Variants in WWOX observed in about 807,000 individuals in gnomAD.
WWOX encodes WW domain containing oxidoreductase.
In WWOX, 69 loss-of-function variants were observed where a neutral mutation model predicts 46.2. The ratio of observed to expected loss-of-function variants is 1.49; its 90% confidence interval spans 1.23 to 1.82. The LOEUF is 1.82. Among genes scored for constraint, WWOX ranks in the 40% most tolerant of loss-of-function variants. The pLI is 0.00. For missense variants in WWOX, 919 were observed against 542.6 expected (o/e 1.69, Z -6.89); for synonymous variants, 359 against 202.6 (o/e 1.77, Z -6.56).
intron 8 of WWOX, among the ~76,000 whole-genome samples, chr16:78,675,476 T>C (rs1233438092): frequency 6.6e-6 from 1 of 152,214 alleles, no homozygotes; most frequent in Non-Finnish European, 1.5e-5. Flanking sequence ...GGCCTTGCCA[T>C]GTTCCAGGCA....
At chr16:78,998,237 C>T (rs577449864) in intron 8 of WWOX, among the ~76,000 whole-genome samples, 8 of 152,284 alleles carry the variant, frequency 5.3e-5, no homozygotes, top group African/African-American at 1.9e-4. Context: ...TTTTTCTCTT[C>T]TGCTGGGACC....
chr16:78,781,430 C>G (rs1380743084), intron 8 of WWOX, among the ~76,000 whole-genome samples: 1 of 152,180 alleles, frequency 6.6e-6, no homozygotes, highest in Non-Finnish European at 1.5e-5. Flanking sequence ...CACCCTCTAC[C>G]ATCCTCACCA....
rs111228523 is a variant in WWOX, at chr16:78,217,882, A to G, written c.516+53593A>G. Reference sequence around the variant, plus strand: ...AGTGGAGTGAAGTCAAATGACCCTCAAAGATCCTTCCAGACTTCATGCCCT... The same window carrying G: ...AGTGGAGTGAAGTCAAATGACCCTCGAAGATCCTTCCAGACTTCATGCCCT... On this transcript the variant is annotated intron_variant, in intron 5 of 8. Transcript: ENST00000566780. 6.0e-3 allele frequency among the ~76,000 whole-genome samples: 918 copies of G among 152,252 alleles called. 13 individuals are homozygous for G. Among genetic ancestry groups the G allele is most frequent in the African/African-American group, 0.021 (877 of 41,538 alleles).
intron 8 of WWOX, among the ~76,000 whole-genome samples, chr16:78,544,008 C>G (rs2043962439): frequency 6.6e-6 from 1 of 152,232 alleles, no homozygotes; most frequent in African/African-American, 2.4e-5. Context: ...ACTTACATCC[C>G]TCAGTTTCAA....
At chr16:78,537,225 G>C (rs1187839104) in intron 8 of WWOX, among the ~76,000 whole-genome samples, 5 of 152,016 alleles carry the variant, frequency 3.3e-5, no homozygotes, top group African/African-American at 1.2e-4. Flanking sequence ...CCAGAGTCAA[G>C]TATTTCAAGT....
At chr16:78,568,206 T>C (rs1018416733) in intron 8 of WWOX, among the ~76,000 whole-genome samples, 3 of 152,072 alleles carry the variant, frequency 2.0e-5, no homozygotes, top group African/African-American at 7.2e-5. Context: ...CTGAACAACA[T>C]CGGCTGTGCA....
chr16:79,091,322 C>T (rs1460014608), intron 8 of WWOX, among the ~76,000 whole-genome samples: 4 of 151,936 alleles, frequency 2.6e-5, no homozygotes, highest in Non-Finnish European at 2.9e-5. Context: ...ATGCTGATCC[C>T]AGTGCATGAA....
chr16:78,538,796 A>C (rs534354177), intron 8 of WWOX, among the ~76,000 whole-genome samples: 1 of 152,200 alleles, frequency 6.6e-6, no homozygotes, highest in Non-Finnish European at 1.5e-5. Context: ...CCTAAAACGC[A>C]TGGGTGGAAA....
At chr16:78,268,184 A>T (rs904588345) in intron 5 of WWOX, among the ~76,000 whole-genome samples, 2 of 152,236 alleles carry the variant, frequency 1.3e-5, no homozygotes, top group African/African-American at 4.8e-5. Context: ...GAAGTACTTC[A>T]CAAAGGCTCC....
intron 8 of WWOX, among the ~76,000 whole-genome samples, chr16:79,120,501 C>T (rs551050375): frequency 2.0e-5 from 3 of 152,242 alleles, no homozygotes; most frequent in East Asian, 3.9e-4. Context: ...GAGCAAAGGA[C>T]CCTGTGCTAG....
chr16:78,979,473 C>T (rs1042117575), intron 8 of WWOX, among the ~76,000 whole-genome samples: 5 of 152,106 alleles, frequency 3.3e-5, no homozygotes, highest in Non-Finnish European at 5.9e-5. Flanking sequence ...GATATGGTGG[C>T]CACTGCATGA....
chr16:79,059,426 G>C (rs2048321014), intron 8 of WWOX, among the ~76,000 whole-genome samples: 1 of 152,318 alleles, frequency 6.6e-6, no homozygotes, highest in Non-Finnish European at 1.5e-5. Context: ...CTTGACACCT[G>C]CATATAAAGT....
chr16:79,211,930 C>G lies in WWOX; in HGVS notation c.*134C>G, dbSNP rs539177113. The G allele has an allele frequency of 1.3e-6, 2 of 1,538,950 alleles. No individual in the cohort carries two copies. The highest frequency in any genetic ancestry group is 4.9e-5 in the East Asian group (2 of 40,956). On this transcript the variant is annotated 3_prime_UTR_variant, in exon 9 of 9. Transcript: ENST00000566780. ...GTAAAGGAAATAAGAGCAGTCACAACAGAGTGAAAAATCTTAAGTACCAAT... is the reference window on the plus strand; with the variant it reads ...GTAAAGGAAATAAGAGCAGTCACAAGAGAGTGAAAAATCTTAAGTACCAAT...
chr16:78,334,004 T>A (rs1163735476), intron 5 of WWOX, among the ~76,000 whole-genome samples: 1 of 152,210 alleles, frequency 6.6e-6, no homozygotes, highest in African/African-American at 2.4e-5. Flanking sequence ...GTTCCTTTTG[T>A]GAAGTCAGGT....
intron 5 of WWOX, among the ~76,000 whole-genome samples, chr16:78,369,486 G>A (rs2081615136): frequency 6.6e-6 from 1 of 152,140 alleles, no homozygotes; most frequent in Non-Finnish European, 1.5e-5. Flanking sequence ...TGGTAGGGTC[G>A]AGTCTCCTCA....
At chr16:78,973,828 C>T (rs368696466) in intron 8 of WWOX, among the ~76,000 whole-genome samples, 46 of 152,354 alleles carry the variant, frequency 3.0e-4, no homozygotes, top group African/African-American at 1.0e-3. Flanking sequence ...CACCAGGGCT[C>T]ATGAGCCGAG....
At chr16:79,124,692 A>C (rs528898534) in intron 8 of WWOX, among the ~76,000 whole-genome samples, 1 of 152,208 alleles carries the variant, frequency 6.6e-6, no homozygotes, top group East Asian at 1.9e-4. Context: ...GGTTGGGCTT[A>C]TATTGTTTAG....
intron 8 of WWOX, among the ~76,000 whole-genome samples, chr16:79,007,891 A>C (rs549577082): frequency 3.9e-5 from 6 of 152,334 alleles, no homozygotes; most frequent in African/African-American, 1.2e-4. Flanking sequence ...TGTGCATGCA[A>C]ATGATTCCTC....
chr16:78,199,802 C>G (rs1372972307), intron 5 of WWOX, among the ~76,000 whole-genome samples: 2 of 152,246 alleles, frequency 1.3e-5, no homozygotes, highest in African/African-American at 4.8e-5. Context: ...CCTCTTCTCT[C>G]TTGTCAGAAT....
Sources: gnomAD v4.1 joint callset for allele counts (sites outside exome capture counted in the v4.1 genomes callset) on GRCh38, gnomAD v4.1.1 for gene constraint, MANE v1.5 for transcripts, NCBI Gene and HGNC (gene_info 2026-07-23, HGNC 2026-07-21) for gene names.